NIPBL: variants seen among roughly 807,000 people sequenced by gnomAD.
The protein encoded by NIPBL is nipped-B-like protein.
NIPBL carries 19 observed loss-of-function variants against 321.8 expected under a neutral mutation model. The observed-to-expected ratio is 0.06, with a 90% confidence interval of 0.04 to 0.09. The LOEUF is 0.09. NIPBL is among the 10% of genes least tolerant of loss of function. The pLI is 1.00. For synonymous variants in NIPBL, 1,106 were observed against 1,114.1 expected (o/e 0.99, Z 0.14); for missense variants, 2,210 against 3,327.0 (o/e 0.66, Z 8.26).
rs533765624 is a variant in NIPBL at position 36,945,782 on chromosome 5, G to T, written c.-79-7836G>T. On this transcript the variant is annotated intron_variant, in intron 1 of 46. Transcript: ENST00000282516. ...TGTTTTTGAGGTAGGATTTGAGGAA[G>T]ATCCTTTCAGAAGTATCTTAAATAG... Among the ~76,000 whole-genome samples the T allele has an allele frequency of 5.9e-5, 9 of 152,264 alleles. No individual in the cohort carries two copies. In the East Asian group the frequency reaches 1.7e-3, roughly 29 times the overall value.
intron 1 of NIPBL, among the ~76,000 whole-genome samples, chr5:36,895,881 G>C (rs928718620): frequency 2.0e-5 from 3 of 152,092 alleles, no homozygotes; most frequent in African/African-American, 7.2e-5. Flanking sequence ...TACGTGATTT[G>C]CAATATTTGC....
intron 1 of NIPBL, among the ~76,000 whole-genome samples, chr5:36,884,293 A>G (rs1745724037): frequency 6.6e-6 from 1 of 152,160 alleles, no homozygotes; most frequent in Non-Finnish European, 1.5e-5. Flanking sequence ...GATGAAACCC[A>G]GAGCAGTTTC....
At chr5:36,893,600 C>T (rs1033908199) in intron 1 of NIPBL, among the ~76,000 whole-genome samples, 1 of 151,738 alleles carries the variant, frequency 6.6e-6, no homozygotes, top group Non-Finnish European at 1.5e-5. Context: ...TGAATAACTG[C>T]AGTGTGTTCA....
At chr5:36,960,664 A>G (rs528117213) in intron 4 of NIPBL, among the ~76,000 whole-genome samples, 5 of 152,310 alleles carry the variant, frequency 3.3e-5, no homozygotes, top group South Asian at 2.1e-4. Context: ...TGGAAATACA[A>G]TTTGATGCTT....
At chr5:37,009,052 G>A (rs1336340120) in intron 20 of NIPBL, among the ~76,000 whole-genome samples, 2 of 152,220 alleles carry the variant, frequency 1.3e-5, no homozygotes, top group East Asian at 3.9e-4. Context: ...TACCCATTAG[G>A]TACCAATAGA....
chr5:36,897,556 C>T (rs916985278), intron 1 of NIPBL, among the ~76,000 whole-genome samples: 2 of 152,090 alleles, frequency 1.3e-5, no homozygotes, highest in Admixed American at 1.3e-4. Flanking sequence ...TGCTTTGTGA[C>T]TTAAACAAAC....
intron 46 of NIPBL, 173 bp downstream of exon 46, chr5:37,064,151 G>C: frequency 7.0e-7 from 1 of 1,428,222 alleles, no homozygotes; most frequent in Non-Finnish European, 9.2e-7. Flanking sequence ...TTTGTAGAAA[G>C]TTTAACATAA....
intron 1 of NIPBL, among the ~76,000 whole-genome samples, chr5:36,935,411 T>C (rs1318223444): frequency 6.6e-6 from 1 of 152,156 alleles, no homozygotes; most frequent in Non-Finnish European, 1.5e-5. Flanking sequence ...GTTTTCAAAA[T>C]GGGTCTTCTC....
chr5:36,880,567 T>C (rs1347798593), intron 1 of NIPBL, among the ~76,000 whole-genome samples: 1 of 152,014 alleles, frequency 6.6e-6, no homozygotes, highest in African/African-American at 2.4e-5. Flanking sequence ...TAAAAATGAA[T>C]GGGAAATAAT....
rs1453527089 is a variant in NIPBL at position 37,038,592 on chromosome 5, G to A, written c.5972-10G>A. The A allele has an allele frequency of 6.2e-7, 1 of 1,612,662 alleles. No individual in the cohort carries two copies. Reference sequence around the variant, plus strand: ...ATTTTAGTGTCTTATTTCTCTGTTTGTTTTTCCAGACTCTGACAATAAAGG... The same window carrying A: ...ATTTTAGTGTCTTATTTCTCTGTTTATTTTTCCAGACTCTGACAATAAAGG... On this transcript the variant is annotated splice_polypyrimidine_tract_variant and intron_variant, in intron 33 of 46. Coordinates refer to ENST00000282516, the MANE Select transcript of NIPBL (RefSeq NM_133433.4).
chr5:37,021,025 G>A (rs1749567020), intron 27 of NIPBL, 148 bp downstream of exon 27: 3 of 731,686 alleles, frequency 4.1e-6, no homozygotes, highest in East Asian at 2.6e-5. Flanking sequence ...CCGGCCGGGT[G>A]TAGTGGCTCA....
chr5:36,913,051 A>G (rs534814688), intron 1 of NIPBL, among the ~76,000 whole-genome samples: 1 of 152,278 alleles, frequency 6.6e-6, no homozygotes, highest in African/African-American at 2.4e-5. Context: ...GTTCAACGTT[A>G]AAGGAGACTA....
intron 10 of NIPBL, among the ~76,000 whole-genome samples, chr5:36,990,181 T>A (rs1046773980): frequency 2.0e-5 from 3 of 152,226 alleles, no homozygotes; most frequent in African/African-American, 7.2e-5. Flanking sequence ...GCAGCTTTAA[T>A]AGTCAATAGC....
intron 10 of NIPBL, among the ~76,000 whole-genome samples, chr5:36,987,466 C>A (rs1297584760): frequency 6.6e-6 from 1 of 152,126 alleles, no homozygotes; most frequent in East Asian, 1.9e-4. Flanking sequence ...TATAGCACTG[C>A]AGTGTATTAG....
chr5:37,003,150 G>A (rs965953415), intron 15 of NIPBL, 111 bp from the exon 16 acceptor site: 5 of 711,798 alleles, frequency 7.0e-6, no homozygotes, highest in Non-Finnish European at 1.3e-5. Context: ...CTTTAAGAGG[G>A]TGACAATGCT....
At chr5:36,931,269 A>G (rs1449829060) in intron 1 of NIPBL, among the ~76,000 whole-genome samples, 1 of 151,636 alleles carries the variant, frequency 6.6e-6, no homozygotes, top group Non-Finnish European at 1.5e-5. Flanking sequence ...TTTTTTTAAT[A>G]TAAGTTGTGT....
intron 6 of NIPBL, among the ~76,000 whole-genome samples, chr5:36,968,851 C>T (rs1463069822): frequency 6.6e-6 from 1 of 152,088 alleles, no homozygotes; most frequent in Non-Finnish European, 1.5e-5. Flanking sequence ...AAGCGTTAAA[C>T]TATGTATAAT....
At chr5:37,047,714 G>A (rs1030057781) in intron 38 of NIPBL, among the ~76,000 whole-genome samples, 5 of 152,192 alleles carry the variant, frequency 3.3e-5, no homozygotes, top group Non-Finnish European at 7.4e-5. Flanking sequence ...CTGGGCCATA[G>A]TTATCCTGAG....
chr5:37,014,748 C>A lies in NIPBL; in HGVS notation c.4626C>A (p.Leu1542=). 1.3e-6 allele frequency: 2 copies of A among 1,595,502 alleles called. No homozygotes were observed. The highest frequency in any genetic ancestry group is 1.7e-6 in the Non-Finnish European group (2 of 1,163,160). ...CTATGCGAACAGCCCAAAACTTCCT[C>A]TCCATCTTCCTTAAAAAGTGAGTAA... ...ETAMRTAQNF[L]SIFLKKCGSK... is the part of the protein sequence containing the mutation. Residue 1542 remains leucine (L), a synonymous_variant, in exon 22 of 47, where the codon CTC becomes CTA. Transcript: ENST00000282516.
Sources: gnomAD v4.1 joint callset for allele counts (sites outside exome capture counted in the v4.1 genomes callset) on GRCh38, gnomAD v4.1.1 for gene constraint, MANE v1.5 for transcripts, NCBI Gene and HGNC (gene_info 2026-07-23, HGNC 2026-07-21) for gene names.